SMOC1: variants seen among roughly 807,000 people sequenced by gnomAD.
SMOC1 encodes the protein SPARC related modular calcium binding 1.
SMOC1 carries 22 observed loss-of-function variants against 56.3 expected under a neutral mutation model. That is an observed-to-expected ratio of 0.39 (90% CI 0.28 to 0.56). The LOEUF is 0.56. Ranked by LOEUF, SMOC1 falls within the 20% of genes least tolerant of loss-of-function variation. The pLI is 0.61. For missense variants in SMOC1, 509 were observed against 565.4 expected (o/e 0.90, Z 1.01); for synonymous variants, 193 against 215.0 (o/e 0.90, Z 0.89).
At chr14:70,023,156 A>G in intron 10 of SMOC1, 47 bp from the exon 11 acceptor site, 1 of 1,613,022 alleles carries the variant, frequency 6.2e-7, no homozygotes, top group Non-Finnish European at 8.5e-7. Flanking sequence ...TTCCTGCAAG[A>G]TCCTGATTGG....
Position 69,879,629 on chromosome 14 carries a change from C to T in SMOC1, c.-50C>T, listed in dbSNP as rs1179782018. On this transcript the variant is annotated 5_prime_UTR_variant, in exon 1 of 12. Transcript: ENST00000361956. ...GAAGGGAGGCGCGCTGTGCGCCCCG[C>T]GGAGCCCGCGAACCCCGCTCGCTGC... 1.5e-6 allele frequency: 2 copies of T among 1,370,756 alleles called. No homozygotes were observed. The highest frequency in any genetic ancestry group is 3.2e-5 in the South Asian group (2 of 62,418). 84.9% of individuals were successfully genotyped at this position (1,370,756 alleles called of 1,614,324 possible). A position where few individuals can be genotyped will look rare whatever the true frequency, so the allele number is the denominator to read the frequency against.
chr14:70,023,657 A>G (rs1477467328), intron 11 of SMOC1, among the ~76,000 whole-genome samples: 1 of 152,192 alleles, frequency 6.6e-6, no homozygotes, highest in East Asian at 1.9e-4. Flanking sequence ...GAGCTTAAAT[A>G]AGCACTCACA....
At chr14:69,939,017 G>T (rs1882443869) in intron 1 of SMOC1, among the ~76,000 whole-genome samples, 1 of 152,142 alleles carries the variant, frequency 6.6e-6, no homozygotes, top group Non-Finnish European at 1.5e-5. Flanking sequence ...TCATGAACAG[G>T]TTCAGCTGAT....
At chr14:69,956,212 T>A (rs1246239519) in intron 3 of SMOC1, among the ~76,000 whole-genome samples, 2 of 152,230 alleles carry the variant, frequency 1.3e-5, no homozygotes. Flanking sequence ...AGCACTGCCA[T>A]GTGTCTGTAG....
At chr14:69,981,900 G>A (rs1263978413) in intron 5 of SMOC1, among the ~76,000 whole-genome samples, 1 of 152,208 alleles carries the variant, frequency 6.6e-6, no homozygotes, top group Non-Finnish European at 1.5e-5. Context: ...TCAGGGGCTG[G>A]CCCTGCCCTT....
chr14:69,924,643 AGGGAGGTAG>A (rs1469640448), intron 1 of SMOC1, among the ~76,000 whole-genome samples: 10 of 148,920 alleles, frequency 6.7e-5, no homozygotes, highest in Admixed American at 3.4e-4. Flanking sequence ...TAGAGGAGTT[AGGGAGGTAG>A]GGGAGGTAGG....
Position 69,992,431 on chromosome 14 carries a change from C to T in SMOC1, c.541C>T (p.Pro181Ser). 6.2e-7 allele frequency: 1 copy of T among 1,614,070 alleles called. No individual in the cohort carries two copies. Among genetic ancestry groups the T allele is most frequent in the South Asian group, 1.1e-5 (1 of 91,072 alleles). The change falls in exon 6 of 12, where the codon CCG (proline) becomes TCG (serine). Residue 181 changes from proline (P) to serine (S), a missense_variant. Coordinates refer to ENST00000361956, the MANE Select transcript of SMOC1 (RefSeq NM_001034852.3). ...NSGRKDDGSKPTPTMETQPVF... is the reference protein window; with the variant it reads ...NSGRKDDGSKSTPTMETQPVF... ...CCTCAATTCAGATGACGGGTCTAAGCCGACACCCACGATGGAGACCCAGCC... is the reference window on the plus strand; with the variant it reads ...CCTCAATTCAGATGACGGGTCTAAGTCGACACCCACGATGGAGACCCAGCC...
At position 69,975,725 on chromosome 14, in the gene SMOC1, A is replaced by G. The variant is rs1883923862; in HGVS notation, c.389A>G (p.His130Arg). 6.2e-7 allele frequency: 1 copy of G among 1,612,756 alleles called. No homozygotes were observed. Among genetic ancestry groups the G allele is most frequent in the Non-Finnish European group, 8.5e-7 (1 of 1,179,590 alleles). The change falls in exon 4 of 12, where the codon CAT (histidine) becomes CGT (arginine). Residue 130 changes from histidine (H) to arginine (R), a missense_variant. Physicochemically the swap from His to Arg is conservative, Grantham distance 29. Around this residue, in one of 3 missense-constraint regions of SMOC1, gnomAD observed 315 missense variants for 333.1 expected, o/e 0.95. Transcript: ENST00000361956. ...EDGSFTQVQC[H>R]TYTGYCWCVT... is the part of the protein sequence containing the mutation. ...CACTTCCCTGAACAGGTGCAGTGCCATACTTACACTGGGTACTGCTGGTGT... is the reference window on the plus strand; with the variant it reads ...CACTTCCCTGAACAGGTGCAGTGCCGTACTTACACTGGGTACTGCTGGTGT...
At chr14:69,910,717 G>A (rs1414313953) in intron 1 of SMOC1, among the ~76,000 whole-genome samples, 3 of 152,072 alleles carry the variant, frequency 2.0e-5, no homozygotes, top group South Asian at 2.1e-4. Context: ...TGTGTATGCC[G>A]AGGAGGTGTC....
intron 1 of SMOC1, among the ~76,000 whole-genome samples, chr14:69,950,329 G>A (rs1352648073): frequency 6.6e-6 from 1 of 152,296 alleles, no homozygotes; most frequent in East Asian, 1.9e-4. Flanking sequence ...TTTGAGTTTG[G>A]CCAGTGTGGG....
At chr14:69,999,733 C>T (rs562630197) in intron 7 of SMOC1, among the ~76,000 whole-genome samples, 12 of 152,220 alleles carry the variant, frequency 7.9e-5, no homozygotes, top group African/African-American at 2.9e-4. Flanking sequence ...TTAAAATTTC[C>T]CTTTGCGGAG....
chr14:70,027,343 C>T (rs567676866), intron 11 of SMOC1, among the ~76,000 whole-genome samples: 6 of 152,252 alleles, frequency 3.9e-5, no homozygotes, highest in Non-Finnish European at 8.8e-5. Flanking sequence ...TGTGAGCAGG[C>T]CAGTCTTGGT....
chr14:69,956,680 A>C (rs553760805), intron 3 of SMOC1, among the ~76,000 whole-genome samples: 1 of 151,930 alleles, frequency 6.6e-6, no homozygotes, highest in African/African-American at 2.4e-5. Context: ...ACTTGGCTTT[A>C]ATGGGCTTCA....
At chr14:69,951,234 C>T (rs1188814008) in intron 1 of SMOC1, among the ~76,000 whole-genome samples, 1 of 152,134 alleles carries the variant, frequency 6.6e-6, no homozygotes, top group Non-Finnish European at 1.5e-5. Context: ...CTTCGTGTAA[C>T]CTAACTTTGA....
At chr14:69,953,325 C>T (rs777212299) in intron 2 of SMOC1, 95 bp from the exon 3 acceptor site, 1 of 1,141,268 alleles carries the variant, frequency 8.8e-7, no homozygotes, top group African/African-American at 1.5e-5. Flanking sequence ...TGTGTGGGCT[C>T]CCGCACAGGT....
At chr14:69,921,965 T>C (rs546578084) in intron 1 of SMOC1, among the ~76,000 whole-genome samples, 2 of 152,196 alleles carry the variant, frequency 1.3e-5, no homozygotes, top group Non-Finnish European at 2.9e-5. Context: ...GTGCCTCACC[T>C]GGGTGAACTG....
intron 5 of SMOC1, among the ~76,000 whole-genome samples, chr14:69,978,717 G>A (rs1191269350): frequency 1.3e-5 from 2 of 152,068 alleles, no homozygotes; most frequent in African/African-American, 4.8e-5. Context: ...TGGAATAAAG[G>A]ACAAAGTTTT....
chr14:69,925,458 T>C (rs1884985204), intron 1 of SMOC1, among the ~76,000 whole-genome samples: 1 of 151,756 alleles, frequency 6.6e-6, no homozygotes, highest in Admixed American at 6.6e-5. Context: ...TCCCCTAGAG[T>C]CTCTTTGCAA....
intron 7 of SMOC1, among the ~76,000 whole-genome samples, chr14:70,002,405 G>C (rs1885000985): frequency 6.6e-6 from 1 of 152,158 alleles, no homozygotes. Context: ...AATTTCGGTG[G>C]CTGACTTTGT....
Sources: gnomAD v4.1 joint callset for allele counts (sites outside exome capture counted in the v4.1 genomes callset) on GRCh38, gnomAD v4.1.1 for gene constraint, gnomAD v4.1.1 regional missense constraint, MANE v1.5 for transcripts, NCBI Gene and HGNC (gene_info 2026-07-23, HGNC 2026-07-21) for gene names.